Variants in SLC35E3 observed in about 807,000 individuals in gnomAD.
The protein encoded by SLC35E3 is bladder cancer-overexpressed gene 1 protein.
In SLC35E3, 28 loss-of-function variants were observed where a neutral mutation model predicts 30.8. That is an observed-to-expected ratio of 0.91 (90% CI 0.67 to 1.25). SLC35E3 has a LOEUF of 1.25. SLC35E3 is among the 50% of genes most tolerant of loss of function. The probability of loss-of-function intolerance (pLI) is 0.00; values close to 1 mark genes in which losing one functional copy is unlikely to be tolerated. For synonymous variants in SLC35E3, 146 were observed against 149.2 expected (o/e 0.98, Z 0.16); for missense variants, 365 against 375.4 (o/e 0.97, Z 0.23).
At position 68,768,855 on chromosome 12, in the gene SLC35E3, T is replaced by G. The variant is rs1206987079; in HGVS notation, c.*3965T>G. ...AAAGGAGAAATCTATCTCTGTGAAA[T>G]GAAGTAAGCATTCTTCTGTTTCACT... On this transcript the variant is annotated 3_prime_UTR_variant, in exon 5 of 5. Coordinates refer to ENST00000398004, the MANE Select transcript of SLC35E3 (RefSeq NM_018656.5). 1 of 152,230 alleles carries G rather than the reference T, an allele frequency of 6.6e-6. No individual in the cohort carries two copies. The highest frequency in any genetic ancestry group is 1.5e-5 in the Non-Finnish European group (1 of 68,042). The allele number at this position is 152,230 out of a possible 1,614,324, so 9.4% of individuals were successfully genotyped here.
Position 68,779,149 on chromosome 12 carries a change from C to A in SLC35E3, c.*14259C>A, listed in dbSNP as rs772932474. 1 of 152,260 alleles carries A rather than the reference C, an allele frequency of 6.6e-6. No homozygotes were observed. 9.4% of individuals were successfully genotyped at this position (152,260 alleles called of 1,614,324 possible). The stretch of plus-strand genomic sequence containing the variant: ...AAAAAACTAGGTCTTTCTCTGTGGC[C>A]GACGCTGGAGTGCAGTGCCTTTTTG... On this transcript the variant is annotated 3_prime_UTR_variant, in exon 5 of 5. Coordinates refer to ENST00000398004, the MANE Select transcript of SLC35E3 (RefSeq NM_018656.5).
At position 68,747,972 on chromosome 12, in the gene SLC35E3, G is replaced by A; in HGVS notation, c.445G>A (p.Val149Met). The change falls in exon 2 of 5, where the codon GTG becomes ATG. Residue 149 changes from valine (V) to methionine (M), a missense_variant. Physicochemically the swap from Val to Met is conservative, Grantham distance 21. Coordinates refer to ENST00000398004, the MANE Select transcript of SLC35E3 (RefSeq NM_018656.5). ...LGVILNSYYD[V>M]KFNFLGMVFA... ...TGTAATCCTAAATTCTTATTACGAT[G>A]TGAAGTTTAATTTCCTTGGAATGGT... 6.2e-7 allele frequency: 1 copy of A among 1,609,290 alleles called. No individual in the cohort carries two copies. Among genetic ancestry groups the A allele is most frequent in the African/African-American group, 1.3e-5 (1 of 74,918 alleles).
chr12:68,757,765 A>T (rs953840477), intron 3 of SLC35E3, among the ~76,000 whole-genome samples: 2 of 152,234 alleles, frequency 1.3e-5, no homozygotes, highest in Non-Finnish European at 2.9e-5. Context: ...CTTTGTAGAT[A>T]TCCAATGAAT....
intron 3 of SLC35E3, among the ~76,000 whole-genome samples, chr12:68,754,969 A>C (rs946314706): frequency 1.3e-5 from 2 of 152,196 alleles, no homozygotes; most frequent in South Asian, 4.1e-4. Context: ...TGGCTTAAAC[A>C]ACAAATACTC....
chr12:68,758,056 C>T (rs1464582070), intron 3 of SLC35E3, among the ~76,000 whole-genome samples: 1 of 150,472 alleles, frequency 6.6e-6, no homozygotes, highest in Non-Finnish European at 1.5e-5. Flanking sequence ...TGCACCACTG[C>T]ACTCTAGACT....
In SLC35E3 at chr12:68,781,366, A is replaced by G. The variant is rs1239114716; in HGVS notation, c.*16476A>G. On this transcript the variant is annotated 3_prime_UTR_variant, in exon 5 of 5. Coordinates refer to ENST00000398004, the MANE Select transcript of SLC35E3 (RefSeq NM_018656.5). The stretch of plus-strand genomic sequence containing the variant: ...TATAAGTACAATCAGTTTGCTGAAT[A>G]AAACCTTTATAGCTACAATTATAAC... 6.6e-6 allele frequency: 1 copy of G among 152,254 alleles called. No individual in the cohort carries two copies. Among genetic ancestry groups the G allele is most frequent in the Non-Finnish European group, 1.5e-5 (1 of 68,050 alleles). The allele number at this position is 152,254 out of a possible 1,614,324, so 9.4% of individuals were successfully genotyped here. A position where few individuals can be genotyped will look rare whatever the true frequency, so the allele number is the denominator to read the frequency against.
intron 4 of SLC35E3, among the ~76,000 whole-genome samples, chr12:68,763,335 G>GA (rs961354903): frequency 1.6e-4 from 25 of 152,028 alleles, no homozygotes; most frequent in Non-Finnish European, 2.5e-4. Context: ...CATTTATATA[G>GA]AAAAAATAGT....
intron 4 of SLC35E3, among the ~76,000 whole-genome samples, chr12:68,762,084 C>G (rs1879248488): frequency 6.6e-6 from 1 of 152,074 alleles, no homozygotes; most frequent in African/African-American, 2.4e-5. Flanking sequence ...CCTCAGCCTT[C>G]CAAAGTGCTG....
chr12:68,747,909 T>G (rs771088310), intron 1 of SLC35E3, 21 bp from the exon 2 acceptor site: 2 of 1,283,640 alleles, frequency 1.6e-6, no homozygotes, highest in Admixed American at 3.5e-5. Context: ...CTGAACAACA[T>G]TTACCTCTTT....
At position 68,767,160 on chromosome 12, in the gene SLC35E3, A is replaced by G. The variant is rs1234111233; in HGVS notation, c.*2270A>G. ...TTATGGAGTGCTACATGTTTGCAAA[A>G]TGTATTTCTGCTTTTCATCTTCTTG... On this transcript the variant is annotated 3_prime_UTR_variant, in exon 5 of 5. Coordinates refer to ENST00000398004, the MANE Select transcript of SLC35E3 (RefSeq NM_018656.5). 1 of 152,348 alleles carries G rather than the reference A, an allele frequency of 6.6e-6. No individual in the cohort carries two copies. Among genetic ancestry groups the G allele is most frequent in the African/African-American group, 2.4e-5 (1 of 41,464 alleles). The allele number at this position is 152,348 out of a possible 1,614,324, so 9.4% of individuals were successfully genotyped here.
chr12:68,755,734 C>T (rs971275934), intron 3 of SLC35E3, among the ~76,000 whole-genome samples: 3 of 152,124 alleles, frequency 2.0e-5, no homozygotes, highest in African/African-American at 7.2e-5. Context: ...CTCTTTTAAA[C>T]AGCTAGCTCT....
chr12:68,758,151 G>A (rs1879097498), intron 3 of SLC35E3, among the ~76,000 whole-genome samples: 1 of 151,940 alleles, frequency 6.6e-6, no homozygotes, highest in African/African-American at 2.4e-5. Flanking sequence ...GCCGGGTGCA[G>A]TGGCTCACGC....
chr12:68,759,730 T>A (rs1879176014), intron 4 of SLC35E3, among the ~76,000 whole-genome samples: 1 of 151,046 alleles, frequency 6.6e-6, no homozygotes, highest in South Asian at 2.1e-4. Flanking sequence ...AAATATGAAC[T>A]GAGGAAGTGG....
In SLC35E3 at chr12:68,746,512, C is replaced by G. The variant is rs1878569821; in HGVS notation, c.135C>G (p.Ser45Arg). ...IYVYHGFPNMSLTLVHFVVTW... is the reference protein window; with the variant it reads ...IYVYHGFPNMRLTLVHFVVTW... ...TGTACCACGGCTTCCCCAACATGAGCCTGACCCTGGTGCACTTCGTGGTCA... is the reference window on the plus strand; with the variant it reads ...TGTACCACGGCTTCCCCAACATGAGGCTGACCCTGGTGCACTTCGTGGTCA... The change falls in exon 1 of 5, where the codon AGC becomes AGG. Residue 45 changes from serine to arginine, a missense_variant. Coordinates refer to ENST00000398004, the MANE Select transcript of SLC35E3 (RefSeq NM_018656.5). 6.2e-7 allele frequency: 1 copy of G among 1,614,228 alleles called. No individual in the cohort carries two copies. The highest frequency in any genetic ancestry group is 1.3e-5 in the African/African-American group (1 of 75,074).
Position 68,775,040 on chromosome 12 carries a change from G to A in SLC35E3, c.*10150G>A, listed in dbSNP as rs1879703696. 2.0e-5 allele frequency: 3 copies of A among 151,948 alleles called. No homozygotes were observed. The highest frequency in any genetic ancestry group is 2.0e-4 in the Admixed American group (3 of 15,204). The allele number at this position is 151,948 out of a possible 1,614,324, so 9.4% of individuals were successfully genotyped here. ...AAAAATAATAATAATTAGAGACAGG[G>A]TGTTGCTATGTTGCCCTGGCTGGTC... is the stretch of plus-strand genomic sequence containing the variant. On this transcript the variant is annotated 3_prime_UTR_variant, in exon 5 of 5. Coordinates refer to ENST00000398004, the MANE Select transcript of SLC35E3 (RefSeq NM_018656.5).
rs1322786928 is a variant in SLC35E3, at chr12:68,746,240, G to C, written c.-138G>C. 2.6e-6 allele frequency: 2 copies of C among 766,572 alleles called. No individual in the cohort carries two copies. Among genetic ancestry groups the C allele is most frequent in the African/African-American group, 3.5e-5 (2 of 56,936 alleles). The allele number at this position is 766,572 out of a possible 1,614,324, so 47.5% of individuals were successfully genotyped here. A position where few individuals can be genotyped will look rare whatever the true frequency, so the allele number is the denominator to read the frequency against. Reference sequence around the variant, plus strand: ...CTCTGTTAAGAGTGCTACTCGCCCGGGGTTGATCTGTGCATGCCACTCCTG... The same window carrying C: ...CTCTGTTAAGAGTGCTACTCGCCCGCGGTTGATCTGTGCATGCCACTCCTG... On this transcript the variant is annotated 5_prime_UTR_variant, in exon 1 of 5. Transcript: ENST00000398004.
rs1223796434 is a variant in SLC35E3 at position 68,770,019 on chromosome 12, C to G, written c.*5129C>G. ...GAGCACATAACAAAAGAATCTGGCCCAGGCTTGGCACTTGTGGAGGGAGTC... is the reference window on the plus strand; with the variant it reads ...GAGCACATAACAAAAGAATCTGGCCGAGGCTTGGCACTTGTGGAGGGAGTC... On this transcript the variant is annotated 3_prime_UTR_variant, in exon 5 of 5. Coordinates refer to ENST00000398004, the MANE Select transcript of SLC35E3 (RefSeq NM_018656.5). 1.3e-5 allele frequency: 2 copies of G among 152,168 alleles called. No homozygotes were observed. Among genetic ancestry groups the G allele is most frequent in the Non-Finnish European group, 2.9e-5 (2 of 68,048 alleles). The allele number at this position is 152,168 out of a possible 1,614,324, so 9.4% of individuals were successfully genotyped here.
intron 3 of SLC35E3, among the ~76,000 whole-genome samples, chr12:68,753,834 A>ACACACACACACC (rs762941770): frequency 2.0e-5 from 3 of 147,930 alleles, no homozygotes; most frequent in African/African-American, 7.5e-5. Flanking sequence ...ACACACACAC[A>ACACACACACACC]CCCCAATTAA....
Position 68,759,117 on chromosome 12 carries a change from G to A in SLC35E3, c.673-40G>A, listed in dbSNP as rs571946810. On this transcript the variant is annotated intron_variant, in intron 3 of 4. Coordinates refer to ENST00000398004, the MANE Select transcript of SLC35E3 (RefSeq NM_018656.5). ...GTATCTTTGCTTGATGATTATGATT[G>A]CAGTGCTTTGCATTAATGGTTCTTT... is the stretch of plus-strand genomic sequence containing the variant. 7.1e-5 allele frequency: 90 copies of A among 1,272,476 alleles called. No homozygotes were observed. In the South Asian group the frequency reaches 1.1e-3, roughly 15 times the overall value. The allele number at this position is 1,272,476 out of a possible 1,614,324, so 78.8% of individuals were successfully genotyped here.
Sources: allele counts gnomAD v4.1 joint callset (sites outside exome capture counted in the v4.1 genomes callset), GRCh38; gene constraint gnomAD v4.1.1; transcripts MANE v1.5; gene names NCBI Gene and HGNC (gene_info 2026-07-23, HGNC 2026-07-21).